CREB5: variants seen among roughly 807,000 people sequenced by gnomAD.
The protein encoded by CREB5 is cyclic AMP-responsive element-binding protein 5.
A neutral mutation model predicts 57.1 loss-of-function variants in CREB5; 19 were observed. The observed-to-expected ratio is 0.33, with a 90% CI of 0.23 to 0.49. CREB5 has a LOEUF of 0.49. CREB5 is among the 20% of genes least tolerant of loss of function. The probability of loss-of-function intolerance (pLI) is 0.99; values close to 1 mark genes in which losing one functional copy is unlikely to be tolerated. For synonymous variants in CREB5, 238 were observed against 238.3 expected (o/e 1.00, Z 0.01); for missense variants, 579 against 671.6 (o/e 0.86, Z 1.52).
At chr7:28,619,195 T>C (rs1387831066) in intron 5 of CREB5, among the ~76,000 whole-genome samples, 1 of 152,230 alleles carries the variant, frequency 6.6e-6, no homozygotes, top group African/African-American at 2.4e-5. Context: ...ATGGAGAAGT[T>C]ATGAACTTGC....
intron 5 of CREB5, among the ~76,000 whole-genome samples, chr7:28,622,255 T>TCACA (rs1248916778): frequency 1.8e-4 from 25 of 140,756 alleles, no homozygotes; most frequent in African/African-American, 6.8e-4. Flanking sequence ...TCTCTCTCTC[T>TCACA]CTCTCACACA....
chr7:28,627,162 C>G (rs1255099680), intron 5 of CREB5, among the ~76,000 whole-genome samples: 1 of 152,138 alleles, frequency 6.6e-6, no homozygotes, highest in Non-Finnish European at 1.5e-5. Flanking sequence ...TTTTCCCTGT[C>G]TTCTACCGTG....
At position 28,356,222 on chromosome 7, in the gene CREB5, G is replaced by A. The variant is rs192211663; in HGVS notation, c.-25+56781G>A. On this transcript the variant is annotated intron_variant, in intron 1 of 9. Coordinates refer to the CREB5 transcript ENST00000396299. ...TACAATGAGTCATTTTCTACTCTCC[G>A]ACAAAGTGAATGGCAATTGGCTCTT... Among the ~76,000 whole-genome samples the A allele has an allele frequency of 3.3e-5, 5 of 152,270 alleles. No homozygotes were observed. In the East Asian group the frequency reaches 5.8e-4, roughly 18 times the overall value.
intron 5 of CREB5, among the ~76,000 whole-genome samples, chr7:28,606,641 C>T (rs549084429): frequency 6.6e-6 from 1 of 152,216 alleles, no homozygotes; most frequent in South Asian, 2.1e-4. Flanking sequence ...TCTATATGCC[C>T]CTTTTCCTCT....
At chr7:28,387,295 T>C (rs910362775) in intron 1 of CREB5, among the ~76,000 whole-genome samples, 5 of 152,172 alleles carry the variant, frequency 3.3e-5, no homozygotes, top group African/African-American at 4.8e-5. Flanking sequence ...TGGTATCTCA[T>C]TGGGGTTTTG....
intron 5 of CREB5, among the ~76,000 whole-genome samples, chr7:28,602,306 T>C (rs1029882966): frequency 2.6e-5 from 4 of 152,134 alleles, no homozygotes; most frequent in African/African-American, 9.7e-5. Context: ...TTTGTACTTA[T>C]AGTAGAGCCA....
chr7:28,386,339 T>C (rs1421211018), intron 1 of CREB5, among the ~76,000 whole-genome samples: 2 of 152,220 alleles, frequency 1.3e-5, no homozygotes, highest in African/African-American at 4.8e-5. Context: ...CTTTACACAT[T>C]TTGTAGACTT....
At chr7:28,330,450 C>A (rs13230543) in intron 1 of CREB5, among the ~76,000 whole-genome samples, 21,765 of 127,042 alleles carry the variant, frequency 0.17, 1,800 homozygotes, top group East Asian at 0.27. Flanking sequence ...GTCAGAGGAA[C>A]CTTTTCTCCC....
intron 5 of CREB5, chr7:28,686,033 AAAG>A: frequency 8.5e-7 from 1 of 1,183,066 alleles, no homozygotes; most frequent in Non-Finnish European, 1.2e-6. Flanking sequence ...GCTAGGCGCA[AAAG>A]AAGGGCCAGC....
chr7:28,759,274 C>A (rs1805513021), intron 7 of CREB5, among the ~76,000 whole-genome samples: 1 of 152,026 alleles, frequency 6.6e-6, no homozygotes, highest in African/African-American at 2.4e-5. Context: ...TAGATCATGT[C>A]AAGTAAAAAG....
intron 5 of CREB5, among the ~76,000 whole-genome samples, chr7:28,641,802 A>C (rs1798669465): frequency 6.6e-6 from 1 of 152,168 alleles, no homozygotes; most frequent in South Asian, 2.1e-4. Context: ...TTTGTCTTTC[A>C]TTCCTTACCT....
At chr7:28,735,872 A>G (rs1803949609) in intron 7 of CREB5, among the ~76,000 whole-genome samples, 1 of 151,598 alleles carries the variant, frequency 6.6e-6, no homozygotes, top group Admixed American at 6.6e-5. Context: ...TGGTAGAATC[A>G]TAGCTCACTG....
In CREB5 at chr7:28,507,727, G is replaced by C. The variant is rs1397473732; in HGVS notation, c.281G>C (p.Ser94Thr). The C allele has an allele frequency of 6.2e-7, 1 of 1,604,530 alleles. No homozygotes were observed. Among genetic ancestry groups the C allele is most frequent in the Non-Finnish European group, 8.5e-7 (1 of 1,172,628 alleles). ...TTCAGGAAGGCTCAGGAAGAGGAGAGCAGCAAGCGGGTAGGTTTGCTTGGA... is the reference window on the plus strand; with the variant it reads ...TTCAGGAAGGCTCAGGAAGAGGAGACCAGCAAGCGGGTAGGTTTGCTTGGA... ...HEFRKAQEEE[S>T]SKRNISMHNA... The change falls in exon 4 of 11, where the codon AGC (serine) becomes ACC (threonine). Residue 94 changes from serine (S) to threonine (T), a missense_variant. Ser to Thr is a moderately conservative substitution (Grantham distance 58). Coordinates refer to ENST00000357727, the MANE Select transcript of CREB5 (RefSeq NM_182898.4).
intron 7 of CREB5, among the ~76,000 whole-genome samples, chr7:28,743,674 G>T (rs1021070957): frequency 6.6e-6 from 1 of 151,884 alleles, no homozygotes; most frequent in Non-Finnish European, 1.5e-5. Context: ...AATTCTGGAG[G>T]GTGGAAGTCC....
intron 4 of CREB5, among the ~76,000 whole-genome samples, chr7:28,539,503 C>T (rs995184136): frequency 6.6e-6 from 1 of 152,216 alleles, no homozygotes; most frequent in East Asian, 1.9e-4. Flanking sequence ...GCCTGTTTCT[C>T]AAGATATTAG....
intron 5 of CREB5, among the ~76,000 whole-genome samples, chr7:28,624,687 A>AAC (rs1554276712): frequency 1.3e-5 from 2 of 150,032 alleles, no homozygotes; most frequent in Non-Finnish European, 3.0e-5. Flanking sequence ...AAAAAAAAAA[A>AAC]AAAAAACAAT....
rs370934402 is a variant in CREB5 at position 28,629,257 on chromosome 7, T to C, written c.464+58720T>C. ...CTGGCATATGTTTAAAAAGAGAAGC[T>C]GAGGATGGACACAGCAGCAGGTTCT... On this transcript the variant is annotated intron_variant, in intron 5 of 10. Coordinates refer to ENST00000357727, the MANE Select transcript of CREB5 (RefSeq NM_182898.4). 4.6e-4 allele frequency among the ~76,000 whole-genome samples: 70 copies of C among 152,350 alleles called. 3 individuals carry two copies. Among genetic ancestry groups the C allele is most frequent in the East Asian group, 3.5e-3 (18 of 5,186 alleles).
intron 1 of CREB5, among the ~76,000 whole-genome samples, chr7:28,334,002 T>C (rs1785765488): frequency 6.6e-6 from 1 of 152,332 alleles, no homozygotes; most frequent in Admixed American, 6.5e-5. Flanking sequence ...TACTAATTTA[T>C]ATTCCCACCA....
chr7:28,314,304 C>T (rs897994964), intron 1 of CREB5, among the ~76,000 whole-genome samples: 2 of 152,166 alleles, frequency 1.3e-5, no homozygotes, highest in Admixed American at 1.3e-4. Context: ...TGACAGTGCC[C>T]TCCTACATTC....
Sources: gnomAD v4.1 joint callset for allele counts (sites outside exome capture counted in the v4.1 genomes callset) on GRCh38, gnomAD v4.1.1 for gene constraint, MANE v1.5 for transcripts, NCBI Gene and HGNC (gene_info 2026-07-23, HGNC 2026-07-21) for gene names.